PDE8B: variants seen among roughly 807,000 people sequenced by gnomAD.
PDE8B encodes the protein phosphodiesterase 8B.
A neutral mutation model predicts 101.3 loss-of-function variants in PDE8B; 26 were observed. The ratio of observed to expected loss-of-function variants is 0.26; its 90% CI spans 0.19 to 0.36. The LOEUF (loss-of-function observed/expected upper bound fraction) is 0.36. Among genes scored for constraint, PDE8B ranks in the 10% least tolerant of loss-of-function variants. PDE8B has a pLI of 1.00. For missense variants in PDE8B, 810 were observed against 1,163.1 expected (o/e 0.70, Z 4.42); for synonymous variants, 424 against 429.3 (o/e 0.99, Z 0.15).
At chr5:77,420,215 C>G (rs7719566) in intron 19 of PDE8B, among the ~76,000 whole-genome samples, 4,476 of 152,236 alleles carry the variant, frequency 0.029, 85 homozygotes, top group African/African-American at 0.056. Flanking sequence ...CTTTACTTCT[C>G]TGTTCACTGA....
the PDE8B span, among the ~76,000 whole-genome samples, chr5:77,185,304 G>T: frequency 6.6e-6 from 1 of 152,148 alleles, no homozygotes; most frequent in African/African-American, 2.4e-5. Context: ...GAGGCTAAAA[G>T]CCTCAGAACT....
rs140030631 is a variant in PDE8B, at chr5:77,308,260, C to T, written c.340-3734C>T. The stretch of plus-strand genomic sequence containing the variant: ...AGGCCAGATGACTTGGAGCACAGAC[C>T]AAGAAGGAAAAGGCAGGCCAAGAGA... On this transcript the variant is annotated intron_variant, in intron 1 of 21. Coordinates refer to ENST00000264917, the MANE Select transcript of PDE8B (RefSeq NM_003719.5). 2.6e-5 allele frequency among the ~76,000 whole-genome samples: 4 copies of T among 152,098 alleles called. No individual in the cohort carries two copies. The East Asian group carries it at 7.7e-4, about 29-fold the overall frequency.
chr5:77,344,343 A>G (rs1779776405), intron 6 of PDE8B, among the ~76,000 whole-genome samples: 1 of 152,286 alleles, frequency 6.6e-6, no homozygotes, highest in South Asian at 2.1e-4. Flanking sequence ...GAATTAGGTT[A>G]TAATCTCGCA....
chr5:77,255,014 C>CACCA (rs1213386011), intron 1 of PDE8B, among the ~76,000 whole-genome samples: 1 of 152,178 alleles, frequency 6.6e-6, no homozygotes, highest in East Asian at 1.9e-4. Context: ...TTCCTCCTTT[C>CACCA]ACCATCAAGC....
chr5:77,146,573 C>A, the PDE8B span: 628 of 228,008 alleles, frequency 2.8e-3, 6 homozygotes, highest in African/African-American at 0.014. Context: ...TAAACATGGG[C>A]AAAAGAGATC....
chr5:77,232,364 C>T (rs1753756512), intron 1 of PDE8B, among the ~76,000 whole-genome samples: 2 of 152,180 alleles, frequency 1.3e-5, no homozygotes, highest in African/African-American at 4.8e-5. Context: ...CACTGTCTTT[C>T]AGATTGGCAG....
At chr5:77,387,468 C>A (rs1269306099) in intron 10 of PDE8B, among the ~76,000 whole-genome samples, 2 of 152,176 alleles carry the variant, frequency 1.3e-5, no homozygotes, top group Non-Finnish European at 2.9e-5. Flanking sequence ...TTGTGGGTAA[C>A]CCGACCTTTC....
intron 14 of PDE8B, among the ~76,000 whole-genome samples, 195 bp from the exon 15 acceptor site, chr5:77,411,481 G>T (rs1794550403): frequency 6.6e-6 from 1 of 152,070 alleles, no homozygotes; most frequent in African/African-American, 2.4e-5. Flanking sequence ...CCACGTTCTG[G>T]GGCTAATAGT....
At chr5:77,299,633 T>C (rs1318541671) in intron 1 of PDE8B, among the ~76,000 whole-genome samples, 2 of 152,078 alleles carry the variant, frequency 1.3e-5, no homozygotes, top group African/African-American at 4.8e-5. Flanking sequence ...TAGTATTCCA[T>C]GGTGTATATA....
At position 77,351,138 on chromosome 5, in the gene PDE8B, T is replaced by C. The variant is rs1414479327; in HGVS notation, c.1091T>C (p.Val364Ala). 4 of 1,613,604 alleles carry C rather than the reference T, an allele frequency of 2.5e-6. No homozygotes were observed. The highest frequency in any genetic ancestry group is 3.4e-6 in the Non-Finnish European group (4 of 1,179,542). Residue 364 changes from valine to alanine, a missense_variant, in exon 9 of 22, where the codon GTG (valine) becomes GCG (alanine). Transcript: ENST00000264917. ...SIQQHVKITP[V>A]IGQGGKIRHF... ...CAACAGCACGTGAAGATCACCCCAG[T>C]GATTGGCCAAGGAGGGTGAGAGCAA...
chr5:77,326,173 C>T (rs1157384503), intron 3 of PDE8B, among the ~76,000 whole-genome samples: 1 of 152,120 alleles, frequency 6.6e-6, no homozygotes, highest in Non-Finnish European at 1.5e-5. Context: ...GCAGGCTTCC[C>T]AGTCATGGAG....
At chr5:77,310,787 T>C (rs1772424450) in intron 1 of PDE8B, among the ~76,000 whole-genome samples, 1 of 152,054 alleles carries the variant, frequency 6.6e-6, no homozygotes, top group African/African-American at 2.4e-5. Context: ...GCGCCCTGCA[T>C]GAGTTCTTTA....
At chr5:77,395,177 C>G (rs112492856) in intron 10 of PDE8B, among the ~76,000 whole-genome samples, 1 of 149,774 alleles carries the variant, frequency 6.7e-6, no homozygotes, top group Non-Finnish European at 1.5e-5. Flanking sequence ...AGTGCAGTGG[C>G]GCGATCTCGG....
At chr5:77,166,028 T>C in the PDE8B span, among the ~76,000 whole-genome samples, 1 of 147,974 alleles carries the variant, frequency 6.8e-6, no homozygotes. Flanking sequence ...AGAGCTTGGA[T>C]TATATCAGAA....
At chr5:77,261,382 C>T (rs1760542352) in intron 1 of PDE8B, among the ~76,000 whole-genome samples, 1 of 152,168 alleles carries the variant, frequency 6.6e-6, no homozygotes, top group Admixed American at 6.5e-5. Context: ...TTAAGTATTT[C>T]TGTTTAATGT....
At chr5:77,352,190 C>A (rs1037280140) in intron 9 of PDE8B, among the ~76,000 whole-genome samples, 34 of 152,318 alleles carry the variant, frequency 2.2e-4, no homozygotes, top group African/African-American at 8.2e-4. Flanking sequence ...CCCCTCGGCC[C>A]TCCTCCTGAG....
At chr5:77,341,658 G>T (rs1779220969) in intron 6 of PDE8B, among the ~76,000 whole-genome samples, 1 of 152,192 alleles carries the variant, frequency 6.6e-6, no homozygotes, top group African/African-American at 2.4e-5. Context: ...AAAGACAGCT[G>T]CTGCCCAGGA....
chr5:77,188,623 C>T, the PDE8B span, among the ~76,000 whole-genome samples: 1 of 152,156 alleles, frequency 6.6e-6, no homozygotes, highest in African/African-American at 2.4e-5. Context: ...GATCTCACGG[C>T]TGCAAGGATT....
chr5:77,112,963 T>C, the PDE8B span: 1 of 152,172 alleles, frequency 6.6e-6, no homozygotes, highest in African/African-American at 2.4e-5. Context: ...TTAAAAAGGA[T>C]GTGACGGACT....
Sources: gnomAD v4.1 joint callset for allele counts (sites outside exome capture counted in the v4.1 genomes callset) on GRCh38, gnomAD v4.1.1 for gene constraint, MANE v1.5 for transcripts, NCBI Gene and HGNC (gene_info 2026-07-23, HGNC 2026-07-21) for gene names.